ARB2A: variants seen among roughly 807,000 people sequenced by gnomAD.
ARB2A encodes the protein ARB2 cotranscriptional regulator A.
the ARB2A span, chr5:93,619,250 T>A: frequency 6.6e-6 from 1 of 152,344 alleles, no homozygotes; most frequent in African/African-American, 2.4e-5. Flanking sequence ...TTTTAAGCCA[T>A]CTGGTAGCTG....
At chr5:94,016,545 C>G in the ARB2A span, among the ~76,000 whole-genome samples, 2 of 152,166 alleles carry the variant, frequency 1.3e-5, no homozygotes, top group Non-Finnish European at 2.9e-5. Context: ...CCTTTGTATA[C>G]TAAGTGGAAT....
the ARB2A span, among the ~76,000 whole-genome samples, chr5:93,839,135 C>A: frequency 1.3e-5 from 2 of 152,142 alleles, no homozygotes; most frequent in African/African-American, 4.8e-5. Flanking sequence ...AAGGGGAATG[C>A]TTCCAGCTTT....
the ARB2A span, among the ~76,000 whole-genome samples, chr5:93,724,396 C>T: frequency 3.9e-5 from 6 of 151,954 alleles, no homozygotes; most frequent in Non-Finnish European, 7.4e-5. Flanking sequence ...TATAGTATCA[C>T]GTGTCATCAC....
the ARB2A span, among the ~76,000 whole-genome samples, chr5:93,673,598 C>T: frequency 6.6e-6 from 1 of 152,154 alleles, no homozygotes; most frequent in South Asian, 2.1e-4. Flanking sequence ...ATAGAGAGTT[C>T]ACTTATTTAT....
chr5:93,741,756 C>A, the ARB2A span: 4 of 589,356 alleles, frequency 6.8e-6, no homozygotes, highest in Admixed American at 3.4e-5. Flanking sequence ...GGGAGTGAGC[C>A]CCCTACCCTG....
the ARB2A span, among the ~76,000 whole-genome samples, chr5:93,899,978 A>C: frequency 7.9e-5 from 12 of 152,190 alleles, no homozygotes; most frequent in African/African-American, 2.9e-4. Flanking sequence ...AAGTGATAAT[A>C]GAAATATTGA....
the ARB2A span, among the ~76,000 whole-genome samples, chr5:93,911,116 G>C: frequency 6.6e-6 from 1 of 151,446 alleles, no homozygotes; most frequent in African/African-American, 2.4e-5. Flanking sequence ...CTGACTTACA[G>C]CATTTAGAGC....
At chr5:93,962,488 C>T in the ARB2A span, among the ~76,000 whole-genome samples, 1 of 152,014 alleles carries the variant, frequency 6.6e-6, no homozygotes, top group Non-Finnish European at 1.5e-5. Context: ...AAAAATGGTT[C>T]TTTTTCCCTT....
the ARB2A span, among the ~76,000 whole-genome samples, chr5:94,007,859 A>G: frequency 6.6e-6 from 1 of 152,128 alleles, no homozygotes; most frequent in South Asian, 2.1e-4. Flanking sequence ...ACATGAGCAT[A>G]TCTGTGTCAG....
chr5:93,620,718 C>A, the ARB2A span: 1 of 335,008 alleles, frequency 3.0e-6, no homozygotes, highest in Non-Finnish European at 5.3e-6. Flanking sequence ...CCGAGCCAGG[C>A]AGGGCGCTGT....
chr5:93,826,329 T>C, the ARB2A span, among the ~76,000 whole-genome samples: 6 of 152,192 alleles, frequency 3.9e-5, no homozygotes, highest in Non-Finnish European at 7.4e-5. Context: ...TTTTCCTTTT[T>C]AGAAATTTTA....
At chr5:93,988,406 T>G in the ARB2A span, among the ~76,000 whole-genome samples, 2 of 152,272 alleles carry the variant, frequency 1.3e-5, no homozygotes, top group East Asian at 3.9e-4. Flanking sequence ...TTTTATATTC[T>G]CAGAAGTGGC....
the ARB2A span, among the ~76,000 whole-genome samples, chr5:93,630,669 G>A: frequency 6.6e-6 from 1 of 152,078 alleles, no homozygotes; most frequent in Non-Finnish European, 1.5e-5. Flanking sequence ...GAAGACGGGT[G>A]CGGGGCCTTT....
the ARB2A span, among the ~76,000 whole-genome samples, chr5:93,765,945 C>A: frequency 1.3e-5 from 2 of 152,056 alleles, no homozygotes; most frequent in Non-Finnish European, 2.9e-5. Flanking sequence ...GGAAAGGATT[C>A]CCTATTTAAT....
At chr5:93,944,720 A>G in the ARB2A span, among the ~76,000 whole-genome samples, 2 of 152,120 alleles carry the variant, frequency 1.3e-5, no homozygotes. Context: ...AAAGAGATGA[A>G]AAAGAAGAAA....
the ARB2A span, among the ~76,000 whole-genome samples, chr5:93,894,155 T>A: frequency 6.6e-6 from 1 of 152,220 alleles, no homozygotes; most frequent in East Asian, 1.9e-4. Flanking sequence ...TTGAAGTACA[T>A]CCTTTAAATA....
At chr5:93,874,603 C>T in the ARB2A span, among the ~76,000 whole-genome samples, 13 of 152,138 alleles carry the variant, frequency 8.5e-5, no homozygotes, top group Non-Finnish European at 1.6e-4. Context: ...TAAGTATTTT[C>T]CTGAGCTCTG....
chr5:94,030,479 C>G, the ARB2A span, among the ~76,000 whole-genome samples: 5 of 152,238 alleles, frequency 3.3e-5, no homozygotes, highest in Middle Eastern at 3.2e-3. Context: ...GCATGGGCCC[C>G]TATATCTCAG....
the ARB2A span, among the ~76,000 whole-genome samples, chr5:93,750,816 T>G: frequency 6.6e-6 from 1 of 152,192 alleles, no homozygotes; most frequent in Non-Finnish European, 1.5e-5. Context: ...TGAGCCATCA[T>G]ACACAGCCAA....
Sources: gnomAD v4.1 joint callset for allele counts (sites outside exome capture counted in the v4.1 genomes callset) on GRCh38, gnomAD v4.1.1 for gene constraint, MANE v1.5 for transcripts, NCBI Gene and HGNC (gene_info 2026-07-23, HGNC 2026-07-21) for gene names.